ZNF766: variants seen among roughly 807,000 people sequenced by gnomAD.
ZNF766 encodes zinc finger protein 766.
ZNF766 carries 13 observed loss-of-function variants against 13.2 expected under a neutral mutation model. That is an observed-to-expected ratio of 0.98 (90% CI 0.64 to 1.56). The LOEUF is 1.56. Ranked by LOEUF, ZNF766 falls within the 40% of genes most tolerant of loss-of-function variation. The pLI is 0.00. For missense variants in ZNF766, 521 were observed against 552.2 expected (o/e 0.94, Z 0.57); for synonymous variants, 178 against 187.6 (o/e 0.95, Z 0.42).
At chr19:52,279,128 G>GGA (rs1285824220) in intron 1 of ZNF766, among the ~76,000 whole-genome samples, 1 of 152,146 alleles carries the variant, frequency 6.6e-6, no homozygotes, top group Non-Finnish European at 1.5e-5. Context: ...TATGAAATAG[G>GGA]GAGTCTTTTC....
intron 3 of ZNF766, among the ~76,000 whole-genome samples, chr19:52,289,153 G>T (rs969428024): frequency 1.5e-5 from 2 of 133,468 alleles, no homozygotes; most frequent in African/African-American, 2.8e-5. Context: ...ACCGCATGTG[G>T]TTTTTTTTTT....
At chr19:52,282,858 G>A (rs1236734930) in intron 2 of ZNF766, among the ~76,000 whole-genome samples, 1 of 152,110 alleles carries the variant, frequency 6.6e-6, no homozygotes, top group African/African-American at 2.4e-5. Flanking sequence ...AAGAGAGTTC[G>A]ATGTCCAATT....
intron 3 of ZNF766, among the ~76,000 whole-genome samples, chr19:52,285,331 G>GC (rs1981760541): frequency 6.6e-6 from 1 of 152,124 alleles, no homozygotes; most frequent in Admixed American, 6.6e-5. Context: ...TGGAGATAGG[G>GC]CCAGGTCCCA....
rs1982134213 is a variant in ZNF766, at chr19:52,291,311, A to G, written c.*113A>G. 9.6e-7 allele frequency: 1 copy of G among 1,043,636 alleles called. No individual in the cohort carries two copies. The highest frequency in any genetic ancestry group is 1.6e-5 in the African/African-American group (1 of 62,892). The allele number at this position is 1,043,636 out of a possible 1,614,324, so 64.6% of individuals were successfully genotyped here. A position where few individuals can be genotyped will look rare whatever the true frequency, so the allele number is the denominator to read the frequency against. On this transcript the variant is annotated 3_prime_UTR_variant, in exon 4 of 4. Coordinates refer to ENST00000439461, the MANE Select transcript of ZNF766 (RefSeq NM_001010851.3). ...GCACAGGCTGTATCGAGACCTACCA[A>G]ATCACTAGACATCGAAACATTCATC...
chr19:52,279,882 A>G (rs1981406856), intron 1 of ZNF766, among the ~76,000 whole-genome samples: 1 of 126,576 alleles, frequency 7.9e-6, no homozygotes, highest in African/African-American at 3.1e-5. Context: ...TGCAACCTGC[A>G]TCTCCTGGGT....
chr19:52,278,123 C>G (rs761023302), intron 1 of ZNF766, among the ~76,000 whole-genome samples: 1 of 151,918 alleles, frequency 6.6e-6, no homozygotes, highest in Non-Finnish European at 1.5e-5. Flanking sequence ...CAAATGTGTA[C>G]CACCACGCCC....
intron 3 of ZNF766, among the ~76,000 whole-genome samples, chr19:52,285,977 A>T (rs1600201597): frequency 1.3e-5 from 2 of 152,262 alleles, no homozygotes; most frequent in African/African-American, 4.8e-5. Context: ...AGGAGCCTGG[A>T]ACGTGTCCTC....
At chr19:52,282,340 A>G in intron 2 of ZNF766, 103 bp downstream of exon 2, 2 of 1,394,838 alleles carry the variant, frequency 1.4e-6, no homozygotes, top group Non-Finnish European at 1.9e-6. Context: ...CTGAGATTGA[A>G]ACCCTGTTGA....
intron 1 of ZNF766, among the ~76,000 whole-genome samples, chr19:52,271,947 A>C (rs1043014745): frequency 2.8e-4 from 38 of 133,686 alleles, no homozygotes; most frequent in Non-Finnish European, 5.1e-4. Context: ...ATGCCACCGC[A>C]CTCCAGCCTG....
rs555131477 is a variant in ZNF766, at chr19:52,279,818, C to T, written c.19-2293C>T. ...TTTTTTTTTTTTTTTTTTTTTGAGA[C>T]GGAGTCTCACTCTTTTGCCTAGGCT... is the stretch of plus-strand genomic sequence containing the variant. On this transcript the variant is annotated intron_variant, in intron 1 of 3. Transcript: ENST00000439461. Among the ~76,000 whole-genome samples the T allele has an allele frequency of 1.9e-4, 15 of 80,742 alleles. 1 individual carries two copies. The South Asian group carries it at 4.3e-3, about 23-fold the overall frequency. 53.0% of individuals were successfully genotyped at this position (80,742 alleles called of 152,430 possible).
rs537554110 is a variant in ZNF766 at position 52,291,571 on chromosome 19, A to G, written c.*373A>G. 1.2e-4 allele frequency: 21 copies of G among 180,258 alleles called. No individual in the cohort carries two copies. The South Asian group carries it at 2.9e-3, about 25-fold the overall frequency. The allele number at this position is 180,258 out of a possible 1,614,324, so 11.2% of individuals were successfully genotyped here. A position where few individuals can be genotyped will look rare whatever the true frequency, so the allele number is the denominator to read the frequency against. ...CAGGAGTTTGAGACCAGCCTGGCCA[A>G]TATGGTGAAACACCATATCTACTAT... On this transcript the variant is annotated 3_prime_UTR_variant, in exon 4 of 4. Coordinates refer to ENST00000439461, the MANE Select transcript of ZNF766 (RefSeq NM_001010851.3).
At chr19:52,282,486 A>C in intron 2 of ZNF766, 1 of 285,080 alleles carries the variant, frequency 3.5e-6, no homozygotes, top group Non-Finnish European at 6.7e-6. Flanking sequence ...AAATACAAAA[A>C]TTAGCCAGGT....
At chr19:52,271,824 G>A (rs561427276) in intron 1 of ZNF766, among the ~76,000 whole-genome samples, 8 of 151,990 alleles carry the variant, frequency 5.3e-5, no homozygotes, top group Non-Finnish European at 8.8e-5. Flanking sequence ...GCTGGGTGTG[G>A]TGACACGTAC....
At chr19:52,289,540 T>A (rs1194801757) in intron 3 of ZNF766, among the ~76,000 whole-genome samples, 2 of 152,204 alleles carry the variant, frequency 1.3e-5, no homozygotes, top group African/African-American at 4.8e-5. Context: ...CTACTCATAA[T>A]CCCTCTCAAA....
At chr19:52,281,155 A>C (rs10416641) in intron 1 of ZNF766, among the ~76,000 whole-genome samples, 30,393 of 145,726 alleles carry the variant, frequency 0.21, 3,161 homozygotes, top group Middle Eastern at 0.28. Context: ...AACTCCATCT[A>C]AAAAAAAAAA....
chr19:52,279,633 GCTGAGATGGTAGGATCT>G (rs1981383634), intron 1 of ZNF766, among the ~76,000 whole-genome samples: 1 of 151,824 alleles, frequency 6.6e-6, no homozygotes, highest in Non-Finnish European at 1.5e-5. Flanking sequence ...TTCTTGGGAG[GCTGAGATGGTAGGATCT>G]CTTGAGTTTG....
At position 52,292,519 on chromosome 19, in the gene ZNF766, A is replaced by G. The variant is rs933890604; in HGVS notation, c.*1321A>G. On this transcript the variant is annotated 3_prime_UTR_variant, in exon 4 of 4. Coordinates refer to ENST00000439461, the MANE Select transcript of ZNF766 (RefSeq NM_001010851.3). ...TGGCCACCGTCTCCATTGAATAGCA[A>G]TAGCTGCTGTTTAGCAAAGACTGAT... 4.2e-5 allele frequency: 11 copies of G among 262,748 alleles called. No homozygotes were observed. Among genetic ancestry groups the G allele is most frequent in the Non-Finnish European group, 7.9e-5 (11 of 139,968 alleles). 16.3% of individuals were successfully genotyped at this position (262,748 alleles called of 1,614,324 possible). A position where few individuals can be genotyped will look rare whatever the true frequency, so the allele number is the denominator to read the frequency against.
intron 1 of ZNF766, chr19:52,274,455 C>A (rs1010281406): frequency 6.6e-6 from 1 of 152,374 alleles, no homozygotes. Context: ...AAACCTAGTG[C>A]GTTACCAAAC....
At chr19:52,274,026 T>C (rs1226564589) in intron 1 of ZNF766, among the ~76,000 whole-genome samples, 2 of 152,208 alleles carry the variant, frequency 1.3e-5, no homozygotes, top group Admixed American at 1.3e-4. Context: ...TCAACCACAG[T>C]CCAAGGTATT....
Sources: gnomAD v4.1 joint callset for allele counts (sites outside exome capture counted in the v4.1 genomes callset) on GRCh38, gnomAD v4.1.1 for gene constraint, MANE v1.5 for transcripts, NCBI Gene and HGNC (gene_info 2026-07-23, HGNC 2026-07-21) for gene names.